The following WDR59 variants were observed in gnomAD, a reference collection of about 807,000 sequenced individuals.
WDR59 encodes GATOR2 complex protein WDR59.
WDR59 carries 100 observed loss-of-function variants against 131.2 expected under a neutral mutation model. The observed-to-expected ratio is 0.76, with a 90% CI of 0.65 to 0.90. The LOEUF (loss-of-function observed/expected upper bound fraction) is 0.90. WDR59 is among the 40% of genes least tolerant of loss of function. WDR59 has a pLI of 0.00. For synonymous variants in WDR59, 601 were observed against 466.2 expected (o/e 1.29, Z -3.72); for missense variants, 1,203 against 1,262.2 (o/e 0.95, Z 0.71).
intron 1 of WDR59, among the ~76,000 whole-genome samples, chr16:74,984,333 C>T (rs1297174533): frequency 1.3e-5 from 2 of 151,940 alleles, no homozygotes; most frequent in East Asian, 1.9e-4. Context: ...ATCTTTAAGC[C>T]AATCTTGTAA....
intron 25 of WDR59, among the ~76,000 whole-genome samples, chr16:74,877,917 A>C (rs779969304): frequency 7.9e-5 from 12 of 152,214 alleles, no homozygotes; most frequent in Non-Finnish European, 8.8e-5. Flanking sequence ...GCATGTAATA[A>C]CTTATGCTTA....
intron 18 of WDR59, among the ~76,000 whole-genome samples, chr16:74,902,724 G>C (rs914135193): frequency 5.3e-5 from 8 of 152,208 alleles, no homozygotes; most frequent in Middle Eastern, 3.4e-3. Flanking sequence ...TCAACAAAAT[G>C]TCTTAGTTCC....
intron 1 of WDR59, among the ~76,000 whole-genome samples, chr16:74,982,798 T>C (rs34056234): frequency 0.41 from 62,409 of 152,054 alleles, 14,954 homozygotes; most frequent in Non-Finnish European, 0.54. Flanking sequence ...TAGAGGCTAC[T>C]GATCAGAGGG....
At position 74,889,722 on chromosome 16, in the gene WDR59, G is replaced by A. The variant is rs201123075; in HGVS notation, c.2176C>T (p.Arg726Trp). 9 of 1,613,740 alleles carry A rather than the reference G, an allele frequency of 5.6e-6. No individual in the cohort carries two copies. The highest frequency in any genetic ancestry group is 3.3e-5 in the Admixed American group (2 of 59,928). Residue 726 changes from arginine to tryptophan, a missense_variant, in exon 21 of 26, where the codon CGG becomes TGG. Transcript: ENST00000262144. ...ACCTACAGGGACTCCAGCAGCTGCC[G>A]CCCAAATGGATGTCGAGCCCAGGGT... ...ETPWARHPFG[R>W]QLLESLLAHY...
At chr16:74,979,834 C>T (rs1323477312) in intron 1 of WDR59, among the ~76,000 whole-genome samples, 6 of 132,786 alleles carry the variant, frequency 4.5e-5, no homozygotes, top group South Asian at 2.5e-4. Context: ...TCACCACACC[C>T]GGCCTTTTTT....
chr16:74,917,712 C>A (rs142291551), intron 11 of WDR59, among the ~76,000 whole-genome samples: 1 of 149,234 alleles, frequency 6.7e-6, no homozygotes, highest in East Asian at 2.0e-4. Flanking sequence ...AGGAGGCTGA[C>A]GCAGGAGAAT....
chr16:74,914,739 G>T (rs940437323), intron 13 of WDR59, among the ~76,000 whole-genome samples: 3 of 151,816 alleles, frequency 2.0e-5, no homozygotes, highest in African/African-American at 7.3e-5. Flanking sequence ...GACTACAGGC[G>T]CACGCCACCA....
Position 74,871,397 on chromosome 16 carries a change from G to A in WDR59, c.*2812C>T, listed in dbSNP as rs1964010783. On this transcript the variant is annotated 3_prime_UTR_variant, in exon 26 of 26. Coordinates refer to ENST00000262144, the MANE Select transcript of WDR59 (RefSeq NM_030581.4). ...GTAATCATCTATTCTGCGGCTGAGA[G>A]AATATCGGCCATGGCCCGCAACCAG... 1 of 152,200 alleles carries A rather than the reference G, an allele frequency of 6.6e-6. No homozygotes were observed. The highest frequency in any genetic ancestry group is 6.5e-5 in the Admixed American group (1 of 15,272). The allele number at this position is 152,200 out of a possible 1,614,324, so 9.4% of individuals were successfully genotyped here. A position where few individuals can be genotyped will look rare whatever the true frequency, so the allele number is the denominator to read the frequency against.
At chr16:74,980,381 G>C (rs1286901036) in intron 1 of WDR59, among the ~76,000 whole-genome samples, 1 of 137,534 alleles carries the variant, frequency 7.3e-6, no homozygotes, top group Non-Finnish European at 1.5e-5. Flanking sequence ...TTTTGAGACA[G>C]AGTTTCGCTC....
At chr16:74,922,692 T>C (rs1358279727) in intron 9 of WDR59, among the ~76,000 whole-genome samples, 1 of 152,232 alleles carries the variant, frequency 6.6e-6, no homozygotes, top group African/African-American at 2.4e-5. Context: ...GACTCTGTTA[T>C]TTAAGGAATA....
chr16:74,933,435 G>A (rs974943477), intron 8 of WDR59, among the ~76,000 whole-genome samples: 1 of 151,640 alleles, frequency 6.6e-6, no homozygotes, highest in African/African-American at 2.4e-5. Context: ...CCAAAATACT[G>A]TTACTTTTTG....
intron 9 of WDR59, 77 bp from the exon 10 acceptor site, chr16:74,922,180 G>T: frequency 2.6e-6 from 4 of 1,552,670 alleles, no homozygotes; most frequent in Non-Finnish European, 3.5e-6. Context: ...TCCAAACCTG[G>T]AATTCTTCCT....
chr16:74,947,077 A>G (rs1248568161), intron 6 of WDR59, among the ~76,000 whole-genome samples: 1 of 152,244 alleles, frequency 6.6e-6, no homozygotes, highest in Admixed American at 6.5e-5. Context: ...TGAGAATTCC[A>G]GAAAAGGTCA....
chr16:74,930,892 C>CAAAAAAAAAAAAAAAAAAAAACAAAA (rs2031320783), intron 8 of WDR59: 1 of 79,628 alleles, frequency 1.3e-5, no homozygotes, highest in Non-Finnish European at 2.2e-5. Flanking sequence ...GACTCCATCT[C>CAAAAAAAAAAAAAAAAAAAAACAAAA]AAAAAAAAAA....
intron 10 of WDR59, among the ~76,000 whole-genome samples, chr16:74,921,249 C>T (rs1489965270): frequency 6.6e-6 from 1 of 151,860 alleles, no homozygotes; most frequent in African/African-American, 2.4e-5. Context: ...CCCCTCCCAC[C>T]CTCCGTCCTC....
chr16:74,896,811 C>G (rs1278544318), intron 18 of WDR59, among the ~76,000 whole-genome samples: 1 of 152,154 alleles, frequency 6.6e-6, no homozygotes, highest in African/African-American at 2.4e-5. Flanking sequence ...CTTACAGTAT[C>G]AGCTCCTGCT....
At chr16:74,928,554 C>T (rs1331898821) in intron 8 of WDR59, among the ~76,000 whole-genome samples, 1 of 151,876 alleles carries the variant, frequency 6.6e-6, no homozygotes, top group Non-Finnish European at 1.5e-5. Flanking sequence ...ATTTACCTTA[C>T]GTGGGATAGC....
chr16:74,955,441 G>A (rs564067593), intron 3 of WDR59, among the ~76,000 whole-genome samples: 1 of 152,184 alleles, frequency 6.6e-6, no homozygotes, highest in East Asian at 1.9e-4. Context: ...GGGTGAGAGG[G>A]AAATAAGGGT....
intron 11 of WDR59, among the ~76,000 whole-genome samples, chr16:74,917,055 G>A (rs1341181547): frequency 1.3e-5 from 2 of 152,042 alleles, no homozygotes; most frequent in Admixed American, 1.3e-4. Flanking sequence ...AAGCGCTGTG[G>A]GAGATCCAAT....
Sources: gnomAD v4.1 joint callset for allele counts (sites outside exome capture counted in the v4.1 genomes callset) on GRCh38, gnomAD v4.1.1 for gene constraint, MANE v1.5 for transcripts, NCBI Gene and HGNC (gene_info 2026-07-23, HGNC 2026-07-21) for gene names.